The following RBPJ variants were observed in gnomAD, a reference collection of about 807,000 sequenced individuals.
The protein encoded by RBPJ is recombination signal binding protein for immunoglobulin kappa J region, also known as recombining binding protein suppressor of hairless.
In RBPJ, 9 loss-of-function variants were observed where a neutral mutation model predicts 67.8. That is an observed-to-expected ratio of 0.13 (90% CI 0.08 to 0.23). The LOEUF (loss-of-function observed/expected upper bound fraction) is 0.23, where lower values mean the gene tolerates loss of function less well. RBPJ is among the 10% of genes least tolerant of loss of function. The probability of loss-of-function intolerance (pLI) is 1.00; values close to 1 mark genes in which losing one functional copy is unlikely to be tolerated. For missense variants in RBPJ, 305 were observed against 595.6 expected, an observed-to-expected ratio of 0.51 and a Z score of 5.08; for synonymous variants, 198 against 203.3, an observed-to-expected ratio of 0.97 and a Z score of 0.22.
intron 1 of RBPJ, among the ~76,000 whole-genome samples, chr4:26,175,317 C>G (rs1716755027): frequency 6.6e-6 from 1 of 151,996 alleles, no homozygotes; most frequent in South Asian, 2.1e-4. Flanking sequence ...ATGTGCATGA[C>G]TCGGGAGAGC....
chr4:26,201,454 C>T (rs1185360433), intron 1 of RBPJ, among the ~76,000 whole-genome samples: 1 of 152,214 alleles, frequency 6.6e-6, no homozygotes, highest in African/African-American at 2.4e-5. Context: ...ACAGGTGCCA[C>T]AATTTCCCTC....
chr4:26,126,684 C>T, the RBPJ span, among the ~76,000 whole-genome samples: 2 of 152,148 alleles, frequency 1.3e-5, no homozygotes, highest in African/African-American at 4.8e-5. Flanking sequence ...CATTTATTTC[C>T]CTCAAGGCGG....
At chr4:26,130,083 A>G in the RBPJ span, among the ~76,000 whole-genome samples, 1 of 152,068 alleles carries the variant, frequency 6.6e-6, no homozygotes, top group Non-Finnish European at 1.5e-5. Context: ...GCTGGTCTCA[A>G]ACTCCTTTCC....
chr4:26,140,578 C>T, the RBPJ span, among the ~76,000 whole-genome samples: 1 of 151,994 alleles, frequency 6.6e-6, no homozygotes, highest in African/African-American at 2.4e-5. Flanking sequence ...CAGTCAGTGA[C>T]AAAAGAGCAA....
chr4:26,430,605 G>A lies in RBPJ; in HGVS notation c.1148+83G>A, dbSNP rs1326598865. 5 of 1,533,098 alleles carry A rather than the reference G, an allele frequency of 3.3e-6. No homozygotes were observed. The highest frequency in any genetic ancestry group is 2.3e-5 in the East Asian group (1 of 44,414). 95.0% of individuals were successfully genotyped at this position (1,533,098 alleles called of 1,614,324 possible). ...ATTCTTTCCTGGCACTGATTGTAAT[G>A]TATTAAACAACCTTGTGTTAAGTCT... is the stretch of plus-strand genomic sequence containing the variant. On this transcript the variant is annotated intron_variant, in intron 10 of 10. Transcript: ENST00000355476. This position sits in a 1 kb window ranked among gnomAD's most constrained non-coding sequence, Gnocchi z 4.1.
chr4:26,226,142 C>CT (rs1381367481), intron 1 of RBPJ, among the ~76,000 whole-genome samples: 1 of 135,374 alleles, frequency 7.4e-6, no homozygotes, highest in East Asian at 2.1e-4. Context: ...GAGCGAGACT[C>CT]TGTCAAAAAA....
At chr4:26,386,899 G>T (rs746653534) in intron 2 of RBPJ, among the ~76,000 whole-genome samples, 1 of 152,120 alleles carries the variant, frequency 6.6e-6, no homozygotes, top group Non-Finnish European at 1.5e-5. Context: ...AGCCAGAATT[G>T]TAAAATAAAG....
intron 1 of RBPJ, among the ~76,000 whole-genome samples, chr4:26,228,419 T>C (rs959051667): frequency 6.6e-6 from 1 of 152,236 alleles, no homozygotes; most frequent in African/African-American, 2.4e-5. Context: ...GGTCTTGATG[T>C]TATTGCTGCA....
At chr4:26,232,428 A>G (rs1719321757) in intron 1 of RBPJ, among the ~76,000 whole-genome samples, 1 of 151,770 alleles carries the variant, frequency 6.6e-6, no homozygotes, top group East Asian at 1.9e-4. Flanking sequence ...TTGTAGAGAC[A>G]GGCTGGTCTC....
intron 1 of RBPJ, among the ~76,000 whole-genome samples, chr4:26,235,013 C>T (rs1402890030): frequency 6.6e-6 from 1 of 152,052 alleles, no homozygotes; most frequent in African/African-American, 2.4e-5. Flanking sequence ...TATCTTATAA[C>T]TCCACCCTAT....
the RBPJ span, among the ~76,000 whole-genome samples, chr4:26,114,957 A>C: frequency 6.6e-6 from 1 of 152,208 alleles, no homozygotes; most frequent in Non-Finnish European, 1.5e-5. Context: ...TTAGGTTGCT[A>C]CATTTCACTA....
At chr4:26,342,464 A>G (rs1378254430) in intron 1 of RBPJ, among the ~76,000 whole-genome samples, 1 of 152,196 alleles carries the variant, frequency 6.6e-6, no homozygotes, top group Non-Finnish European at 1.5e-5. Context: ...GCTTTGTAGT[A>G]TGAACATCTG....
At chr4:26,328,206 A>G (rs2109346464) in intron 1 of RBPJ, among the ~76,000 whole-genome samples, 1 of 152,256 alleles carries the variant, frequency 6.6e-6, no homozygotes. Context: ...GAGTAAGCAG[A>G]AACACTGGGG....
At position 26,431,200 on chromosome 4, in the gene RBPJ, A is replaced by AAAAAAAAAAAAAAAAAAAAAAT. The variant is rs1736199118; in HGVS notation, c.*204_*205insAAAAAAAAAATAAAAAAAAAAA. Reference sequence around the variant, plus strand: ...AAGCCACAGTAAAAAAAAAAAAAAAAAAAAAAAAAAAGAAAAAAAAATCAA... The same window carrying AAAAAAAAAAAAAAAAAAAAAAT: ...AAGCCACAGTAAAAAAAAAAAAAAAAAAAAAAAAAAAAAAAAAAAAATAAAAAAAAAAAGAAAAAAAAATCAA... On this transcript the variant is annotated 3_prime_UTR_variant, in exon 11 of 11. Coordinates refer to ENST00000355476, the MANE Select transcript of RBPJ (RefSeq NM_015874.6). 1 of 373,232 alleles carries AAAAAAAAAAAAAAAAAAAAAAT rather than the reference A, an allele frequency of 2.7e-6. No homozygotes were observed. 23.1% of individuals were successfully genotyped at this position (373,232 alleles called of 1,614,324 possible).
At chr4:26,315,785 C>G (rs916575101), upstream of RBPJ, among the ~76,000 whole-genome samples, 9 of 152,040 alleles carry the variant, frequency 5.9e-5, no homozygotes, top group African/African-American at 2.2e-4. Context: ...GTTTATAGAC[C>G]TCCCCCCAGG....
In RBPJ at chr4:26,425,789, T is replaced by G. The variant is rs544896081; in HGVS notation, c.747+1046T>G. 3.4e-4 allele frequency among the ~76,000 whole-genome samples: 52 copies of G among 152,304 alleles called. 1 individual carries two copies. In the East Asian group the frequency reaches 8.5e-3, roughly 25 times the overall value. On this transcript the variant is annotated intron_variant, in intron 7 of 10. Coordinates refer to ENST00000355476, the MANE Select transcript of RBPJ (RefSeq NM_015874.6). ...GAGTAAGTTTGATTCAAGGTCAGAC[T>G]GAAGAGGTTGGGTGAGTAGAAGAAC...
chr4:26,175,510 G>A (rs1577437036), intron 1 of RBPJ, among the ~76,000 whole-genome samples: 1 of 152,284 alleles, frequency 6.6e-6, no homozygotes, highest in Non-Finnish European at 1.5e-5. Context: ...GAGGTTTCTG[G>A]GGCACCCAGT....
At chr4:26,248,277 C>A (rs1287636998) in intron 1 of RBPJ, among the ~76,000 whole-genome samples, 2 of 152,058 alleles carry the variant, frequency 1.3e-5, no homozygotes, top group East Asian at 3.9e-4. Flanking sequence ...GGTAACAGAG[C>A]AAGATTCCAT....
intron 1 of RBPJ, among the ~76,000 whole-genome samples, chr4:26,240,637 A>G (rs145559514): frequency 8.2e-4 from 125 of 152,198 alleles, no homozygotes; most frequent in Non-Finnish European, 1.3e-3. Flanking sequence ...GAAGGTGAAA[A>G]CCAAAATGAT....
Sources: gnomAD v4.1 joint callset for allele counts (sites outside exome capture counted in the v4.1 genomes callset) on GRCh38, gnomAD v4.1.1 for gene constraint, Gnocchi (gnomAD v3.1) non-coding constraint, MANE v1.5 for transcripts, NCBI Gene and HGNC (gene_info 2026-07-23, HGNC 2026-07-21) for gene names.